The following SLC1A2 variants were observed in gnomAD, a reference collection of about 807,000 sequenced individuals.
SLC1A2 encodes the protein excitatory amino acid transporter 2.
SLC1A2 carries 15 observed loss-of-function variants against 48.8 expected under a neutral mutation model. The ratio of observed to expected loss-of-function variants is 0.31; its 90% CI spans 0.21 to 0.47. The LOEUF (loss-of-function observed/expected upper bound fraction) is 0.47. Among genes scored for constraint, SLC1A2 ranks in the 20% least tolerant of loss-of-function variants. The pLI, the probability that SLC1A2 is intolerant of heterozygous loss-of-function variation, is 0.99. For missense variants in SLC1A2, 502 were observed against 730.5 expected (o/e 0.69, Z 3.61); for synonymous variants, 279 against 272.6 (o/e 1.02, Z -0.23).
intron 4 of SLC1A2, among the ~76,000 whole-genome samples, chr11:35,311,358 C>T: frequency 6.6e-6 from 1 of 152,054 alleles, no homozygotes; most frequent in Middle Eastern, 3.2e-3. Flanking sequence ...TGGGGTTTCA[C>T]CATGTTGGCC....
intron 1 of SLC1A2, among the ~76,000 whole-genome samples, chr11:35,410,142 T>C (rs1376059474): frequency 1.4e-5 from 1 of 69,350 alleles, no homozygotes; most frequent in Non-Finnish European, 2.6e-5. Context: ...ATTTAGTTCC[T>C]TATTTATTTC....
At chr11:35,311,921 AGGCGGGGGGGGGGGGTGG>A (rs1851712160) in intron 4 of SLC1A2, among the ~76,000 whole-genome samples, 1 of 2,930 alleles carries the variant, frequency 3.4e-4, no homozygotes, top group Non-Finnish European at 6.7e-4. Flanking sequence ...AGAGAGAGAG[AGGCGGGGGGGGGGGGTGG>A]GGGAGAAAGG....
intron 7 of SLC1A2, among the ~76,000 whole-genome samples, chr11:35,289,647 T>C (rs1260253338): frequency 6.6e-6 from 1 of 152,190 alleles, no homozygotes; most frequent in Non-Finnish European, 1.5e-5. Context: ...ATTTTTGAAA[T>C]AGTTGAAAGA....
intron 4 of SLC1A2, among the ~76,000 whole-genome samples, chr11:35,310,745 A>C (rs1224810416): frequency 1.3e-5 from 2 of 152,174 alleles, no homozygotes; most frequent in Admixed American, 1.3e-4. Context: ...GTTCTAGCCT[A>C]TGCTGGCCTT....
At chr11:35,370,535 A>C (rs190670517) in intron 1 of SLC1A2, among the ~76,000 whole-genome samples, 52 of 152,322 alleles carry the variant, frequency 3.4e-4, no homozygotes, top group Admixed American at 1.2e-3. Flanking sequence ...CTGGGGTCTT[A>C]GCAAATACTC....
At chr11:35,309,380 G>A (rs915366394) in intron 4 of SLC1A2, among the ~76,000 whole-genome samples, 3 of 152,154 alleles carry the variant, frequency 2.0e-5, no homozygotes, top group African/African-American at 4.8e-5. Context: ...CACAGATCAC[G>A]GAATTTTCTG....
chr11:35,398,979 A>G (rs998580169), intron 1 of SLC1A2, among the ~76,000 whole-genome samples: 18 of 152,196 alleles, frequency 1.2e-4, no homozygotes, highest in Non-Finnish European at 2.6e-4. Flanking sequence ...CTGAATGGGA[A>G]GGAAGGATAA....
chr11:35,300,690 A>G (rs1479401570), intron 6 of SLC1A2, among the ~76,000 whole-genome samples: 1 of 151,928 alleles, frequency 6.6e-6, no homozygotes, highest in East Asian at 1.9e-4. Flanking sequence ...AAAGACAATG[A>G]CTGTGTAAAA....
At chr11:35,318,112 A>C (rs1472149464) in intron 1 of SLC1A2, among the ~76,000 whole-genome samples, 1 of 152,238 alleles carries the variant, frequency 6.6e-6, no homozygotes, top group Admixed American at 6.5e-5. Flanking sequence ...GGCCACCTAC[A>C]TTATCAGGAC....
intron 1 of SLC1A2, among the ~76,000 whole-genome samples, chr11:35,336,138 G>A (rs190485406): frequency 0.02 from 3,030 of 150,450 alleles, 100 homozygotes; most frequent in African/African-American, 0.071. Context: ...GACACAGGGA[G>A]GGGAACAACA....
intron 1 of SLC1A2, among the ~76,000 whole-genome samples, chr11:35,359,750 T>C (rs575266532): frequency 5.6e-4 from 85 of 152,374 alleles, no homozygotes; most frequent in Non-Finnish European, 1.0e-3. Context: ...CTAAGATGTT[T>C]CAGAAACCAA....
chr11:35,356,891 T>C (rs924563117), intron 1 of SLC1A2, among the ~76,000 whole-genome samples: 9 of 152,256 alleles, frequency 5.9e-5, no homozygotes, highest in African/African-American at 1.9e-4. Context: ...ATTAACTTTT[T>C]ACTCATTTAA....
rs144599458 is a variant in SLC1A2 at position 35,384,356 on chromosome 11, G to A, written c.17+34594C>T. Among the ~76,000 whole-genome samples, 80 of 152,212 alleles carry A rather than the reference G, an allele frequency of 5.3e-4. 1 individual carries two copies. Among genetic ancestry groups the A allele is most frequent in the African/African-American group, 1.9e-3 (77 of 41,508 alleles). ...ATGGAAGATGACTATTCTCATCCAC[G>A]CAGGTTGCTCCTGGATTGTCTGAGT... On this transcript the variant is annotated intron_variant, in intron 1 of 10. Transcript: ENST00000278379.
intron 1 of SLC1A2, among the ~76,000 whole-genome samples, chr11:35,403,128 C>T (rs1307061270): frequency 6.6e-6 from 1 of 152,224 alleles, no homozygotes; most frequent in African/African-American, 2.4e-5. Context: ...TTCCAGGTCC[C>T]AGGCACTATG....
At chr11:35,279,044 G>C (rs1396973995) in intron 9 of SLC1A2, among the ~76,000 whole-genome samples, 2 of 152,200 alleles carry the variant, frequency 1.3e-5, no homozygotes, top group Non-Finnish European at 2.9e-5. Context: ...GTGGTTTCTG[G>C]CTCTTAAAAT....
chr11:35,372,639 A>G (rs1393541575), intron 1 of SLC1A2, among the ~76,000 whole-genome samples: 1 of 152,224 alleles, frequency 6.6e-6, no homozygotes, highest in Non-Finnish European at 1.5e-5. Context: ...ATAACTTATT[A>G]TTGTAGCAAT....
intron 4 of SLC1A2, among the ~76,000 whole-genome samples, chr11:35,311,554 G>A (rs1851688595): frequency 6.6e-6 from 1 of 152,198 alleles, no homozygotes; most frequent in South Asian, 2.1e-4. Flanking sequence ...AGTAGCTCTA[G>A]AGAAGGGGAA....
At position 35,306,159 on chromosome 11, in the gene SLC1A2, C is replaced by T. The variant is rs764266256; in HGVS notation, c.645G>A (p.Leu215=). Residue 215 remains leucine (L), a synonymous_variant, in exon 5 of 11, where the codon TTG becomes TTA. Transcript: ENST00000278379. Reference sequence around the variant, plus strand: ...CCGGCACCTCAGTCACAGTCTCGTTCAACAGAGAGACAACAGCGCTGGTTG... The same window carrying T: ...CCGGCACCTCAGTCACAGTCTCGTTTAACAGAGAGACAACAGCGCTGGTTG... The part of the protein sequence containing the change: ...ANATSAVVSL[L]NETVTEVPEE... The T allele has an allele frequency of 7.4e-6, 12 of 1,614,044 alleles. No individual in the cohort carries two copies. The highest frequency in any genetic ancestry group is 6.7e-5 in the Admixed American group (4 of 60,024).
intron 9 of SLC1A2, 61 bp downstream of exon 9, chr11:35,280,806 C>CTG: frequency 8.2e-7 from 1 of 1,213,846 alleles, no homozygotes; most frequent in Non-Finnish European, 1.1e-6. Context: ...ACCTTGCCAC[C>CTG]TGTGCATCCC....
Sources: allele counts gnomAD v4.1 joint callset (sites outside exome capture counted in the v4.1 genomes callset), GRCh38; gene constraint gnomAD v4.1.1; transcripts MANE v1.5; gene names NCBI Gene and HGNC (gene_info 2026-07-23, HGNC 2026-07-21).